MEF2A: variants seen among roughly 807,000 people sequenced by gnomAD.
MEF2A encodes the protein myocyte enhancer factor 2A, also known as myocyte-specific enhancer factor 2A.
MEF2A carries 28 observed loss-of-function variants against 55.8 expected under a neutral mutation model. The observed-to-expected ratio is 0.50, with a 90% CI of 0.37 to 0.69. MEF2A has a LOEUF of 0.69. Among genes scored for constraint, MEF2A ranks in the 30% least tolerant of loss-of-function variants. MEF2A has a pLI of 0.00. For synonymous variants in MEF2A, 239 were observed against 227.1 expected (o/e 1.05, Z -0.47); for missense variants, 528 against 626.2 (o/e 0.84, Z 1.67).
In MEF2A at chr15:99,710,749, C is replaced by T. The variant is rs1006214888; in HGVS notation, c.1125C>T (p.Leu375=). 6.2e-7 allele frequency: 1 copy of T among 1,605,928 alleles called. No homozygotes were observed. Among genetic ancestry groups the T allele is most frequent in the African/African-American group, 1.3e-5 (1 of 74,930 alleles). The change falls in exon 11 of 12, where the codon CTC becomes CTT. Residue 375 remains leucine (L), a synonymous_variant. Coordinates refer to ENST00000557942, the MANE Select transcript of MEF2A (RefSeq NM_001319206.4). ...AGCACCACCTAGGACAAGCAGCCCT[C>T]AGCTCTCTTGTGTGAGTAACTAGAA... ...WQQHHLGQAA[L]SSLVAGGQLS...
intron 2 of MEF2A, among the ~76,000 whole-genome samples, chr15:99,623,286 C>T (rs545569716): frequency 6.6e-6 from 1 of 152,224 alleles, no homozygotes; most frequent in South Asian, 2.1e-4. Flanking sequence ...TATGTACCAC[C>T]TTTTAGTTTA....
chr15:99,577,303 A>G, intron 1 of MEF2A, among the ~76,000 whole-genome samples: 1 of 152,350 alleles, frequency 6.6e-6, no homozygotes, highest in South Asian at 2.1e-4. Flanking sequence ...GTTTTTAATA[A>G]CTATTATTCT....
chr15:99,675,397 A>G lies in MEF2A; in HGVS notation c.611-2A>G. 11 of 1,613,714 alleles carry G rather than the reference A, an allele frequency of 6.8e-6. No homozygotes were observed. The highest frequency in any genetic ancestry group is 9.3e-6 in the Non-Finnish European group (11 of 1,179,628). ...TCTGTCTTCTCTCCGTAACGTTGTT[A>G]GGTGGGATGTTGAGCACTACAGACC... is the stretch of plus-strand genomic sequence containing the variant. On this transcript the variant is annotated splice_acceptor_variant, in intron 6 of 11. Coordinates refer to ENST00000557942, the MANE Select transcript of MEF2A (RefSeq NM_001319206.4). LOFTEE classifies it high-confidence loss of function.
chr15:99,605,539 G>A (rs1161185050), intron 2 of MEF2A, among the ~76,000 whole-genome samples: 7 of 152,194 alleles, frequency 4.6e-5, no homozygotes, highest in East Asian at 1.9e-4. Context: ...ATTTACAGAC[G>A]TTACATTCTT....
At chr15:99,605,941 T>A (rs1440639263) in intron 2 of MEF2A, among the ~76,000 whole-genome samples, 3 of 152,086 alleles carry the variant, frequency 2.0e-5, no homozygotes, top group African/African-American at 7.2e-5. Flanking sequence ...TGTGTTGGAT[T>A]TTAAAGGAAA....
chr15:99,583,076 C>T (rs946591638), intron 1 of MEF2A, among the ~76,000 whole-genome samples: 1 of 152,108 alleles, frequency 6.6e-6, no homozygotes, highest in African/African-American at 2.4e-5. Context: ...TGTAAGAGAA[C>T]TCCCAAGTTG....
At chr15:99,631,777 A>T (rs1477842233) in intron 2 of MEF2A, among the ~76,000 whole-genome samples, 1 of 152,162 alleles carries the variant, frequency 6.6e-6, no homozygotes, top group Admixed American at 6.5e-5. Context: ...GTATCAATGA[A>T]GAAATAAAAT....
At chr15:99,645,837 A>T (rs2153480246) in intron 4 of MEF2A, 73 bp downstream of exon 4, 1 of 1,068,230 alleles carries the variant, frequency 9.4e-7, no homozygotes, top group East Asian at 2.6e-5. Context: ...TAACTGTCAG[A>T]ATGACTTGTA....
At chr15:99,661,317 T>C (rs1248824146) in intron 4 of MEF2A, among the ~76,000 whole-genome samples, 1 of 152,008 alleles carries the variant, frequency 6.6e-6, no homozygotes, top group Non-Finnish European at 1.5e-5. Flanking sequence ...AAGGATTTCT[T>C]ATATAAGGCA....
In MEF2A at chr15:99,713,549, AAATT is replaced by A. The variant is rs1161360774; in HGVS notation, c.*781_*784del. The A allele has an allele frequency of 1.3e-5, 2 of 152,236 alleles. No homozygotes were observed. The highest frequency in any genetic ancestry group is 2.4e-5 in the African/African-American group (1 of 41,466). 9.4% of individuals were successfully genotyped at this position (152,236 alleles called of 1,614,324 possible). ...GTTTCTTTTTACATTCATATCTTAA[AAATT>A]AAAGAAACTGATTTTAGCTCATGTA... On this transcript the variant is annotated 3_prime_UTR_variant, in exon 12 of 12. Coordinates refer to ENST00000557942, the MANE Select transcript of MEF2A (RefSeq NM_001319206.4).
At chr15:99,682,617 G>A (rs1228390586) in intron 7 of MEF2A, among the ~76,000 whole-genome samples, 1 of 152,156 alleles carries the variant, frequency 6.6e-6, no homozygotes, top group Non-Finnish European at 1.5e-5. Flanking sequence ...CTTCAGCCTG[G>A]CAAGTTACCA....
intron 2 of MEF2A, among the ~76,000 whole-genome samples, chr15:99,613,357 G>C (rs2039632312): frequency 6.6e-6 from 1 of 152,092 alleles, no homozygotes; most frequent in South Asian, 2.1e-4. Context: ...TCCATTTATT[G>C]AACTATCTAG....
intron 7 of MEF2A, among the ~76,000 whole-genome samples, chr15:99,688,242 A>C (rs571706814): frequency 9.8e-5 from 15 of 152,364 alleles, no homozygotes; most frequent in African/African-American, 3.6e-4. Context: ...CTGGTGAATA[A>C]TAGCTGTTTC....
intron 4 of MEF2A, among the ~76,000 whole-genome samples, chr15:99,666,775 A>G (rs1340905515): frequency 1.3e-5 from 2 of 152,140 alleles, no homozygotes; most frequent in Admixed American, 6.5e-5. Flanking sequence ...CCTTTTCCCT[A>G]GAAATATTTT....
chr15:99,602,737 T>TGGGGGG (rs1774606889), intron 2 of MEF2A, among the ~76,000 whole-genome samples: 3 of 4,242 alleles, frequency 7.1e-4, no homozygotes, highest in Non-Finnish European at 1.4e-3. Flanking sequence ...TGTGGGGGGG[T>TGGGGGG]GGGGGTGGGG....
At position 99,572,596 on chromosome 15, in the gene MEF2A, A is replaced by G. The variant is rs1281096540; in HGVS notation, c.-225+6492A>G. Among the ~76,000 whole-genome samples, 4 of 152,248 alleles carry G rather than the reference A, an allele frequency of 2.6e-5. No homozygotes were observed. The East Asian group carries it at 7.7e-4, about 29-fold the overall frequency. On this transcript the variant is annotated intron_variant, in intron 1 of 11. Coordinates refer to ENST00000557942, the MANE Select transcript of MEF2A (RefSeq NM_001319206.4). ...TAGCATGCCGCCTGGCATTTGGAAG[A>G]TAGTAAATATTTGATGCTTCTGTAT...
chr15:99,624,812 C>T, intron 2 of MEF2A, among the ~76,000 whole-genome samples: 1 of 152,208 alleles, frequency 6.6e-6, no homozygotes, highest in Middle Eastern at 3.4e-3. Flanking sequence ...AAACATCTTT[C>T]CATTTGTTTA....
At chr15:99,625,667 T>C (rs2041931550) in intron 2 of MEF2A, among the ~76,000 whole-genome samples, 1 of 152,112 alleles carries the variant, frequency 6.6e-6, no homozygotes, top group South Asian at 2.1e-4. Flanking sequence ...CTAGTTTGGT[T>C]GAGTGTTTTT....
intron 8 of MEF2A, among the ~76,000 whole-genome samples, chr15:99,698,698 A>G (rs1241881978): frequency 2.6e-5 from 4 of 152,100 alleles, no homozygotes; most frequent in Non-Finnish European, 5.9e-5. Flanking sequence ...AGGCTGAGGC[A>G]GGAGAATCGC....
Sources: gnomAD v4.1 joint callset for allele counts (sites outside exome capture counted in the v4.1 genomes callset) on GRCh38, gnomAD v4.1.1 for gene constraint, MANE v1.5 for transcripts, NCBI Gene and HGNC (gene_info 2026-07-23, HGNC 2026-07-21) for gene names.